TOP3A: variants seen among roughly 807,000 people sequenced by gnomAD.
TOP3A encodes the protein DNA topoisomerase 3-alpha.
TOP3A carries 64 observed loss-of-function variants against 111.3 expected under a neutral mutation model. The observed-to-expected ratio is 0.57, with a 90% confidence interval of 0.47 to 0.71. TOP3A has a LOEUF of 0.71. Ranked by LOEUF, TOP3A falls within the 30% of genes least tolerant of loss-of-function variation. The probability of loss-of-function intolerance (pLI) is 0.00; values close to 1 mark genes in which losing one functional copy is unlikely to be tolerated. For synonymous variants in TOP3A, 484 were observed against 485.1 expected (o/e 1.00, Z 0.03); for missense variants, 1,104 against 1,285.0 (o/e 0.86, Z 2.15).
In TOP3A at chr17:18,278,033, A is replaced by G. The variant is rs758550414; in HGVS notation, c.2469T>C (p.Thr823=). The change falls in exon 18 of 19, where the codon ACT becomes ACC. Residue 823 remains threonine (T), a synonymous_variant. Coordinates refer to ENST00000321105, the MANE Select transcript of TOP3A (RefSeq NM_004618.5). ...CCCGGTTGGGGCCCTCCTTACGGAC[A>G]GTGAGCAGCACAGCCTCCTGGCCAC... is the stretch of plus-strand genomic sequence containing the variant. ...CNCGQEAVLL[T]VRKEGPNRGR... 6.2e-7 allele frequency: 1 copy of G among 1,614,204 alleles called. No individual in the cohort carries two copies. Among genetic ancestry groups the G allele is most frequent in the South Asian group, 1.1e-5 (1 of 91,092 alleles).
At chr17:18,300,488 C>G (rs1424062469) in intron 8 of TOP3A, among the ~76,000 whole-genome samples, 1 of 152,036 alleles carries the variant, frequency 6.6e-6, no homozygotes, top group Non-Finnish European at 1.5e-5. Context: ...ACCACGTAGT[C>G]CCGCACCACA....
chr17:18,304,040 CT>C (rs1406004185), intron 5 of TOP3A, among the ~76,000 whole-genome samples: 1 of 152,186 alleles, frequency 6.6e-6, no homozygotes, highest in African/African-American at 2.4e-5. Context: ...TCTCGGCTCA[CT>C]GCAACCTCTG....
intron 5 of TOP3A, among the ~76,000 whole-genome samples, chr17:18,303,819 C>T (rs1316240816): frequency 2.0e-5 from 3 of 151,650 alleles, no homozygotes; most frequent in South Asian, 4.2e-4. Context: ...ACTTGCTGAG[C>T]GCCGGTCCCC....
chr17:18,309,452 G>A (rs1981777616), intron 1 of TOP3A, among the ~76,000 whole-genome samples: 1 of 152,020 alleles, frequency 6.6e-6, no homozygotes, highest in Admixed American at 6.6e-5. Flanking sequence ...AGACCAGCCT[G>A]GCCAACATGG....
In TOP3A at chr17:18,301,901, T is replaced by TA; in HGVS notation, c.898dup (p.Tyr300LeufsTer18). 6.2e-7 allele frequency: 1 copy of TA among 1,614,110 alleles called. No individual in the cohort carries two copies. The highest frequency in any genetic ancestry group is 8.5e-7 in the Non-Finnish European group (1 of 1,179,970). On this transcript the variant is annotated frameshift_variant, in exon 8 of 19. Coordinates refer to ENST00000321105, the MANE Select transcript of TOP3A (RefSeq NM_004618.5). LOFTEE classifies it high-confidence loss of function. The stretch of plus-strand genomic sequence containing the variant: ...GGTTCTTACCTCCACACACAACTGA[T>TA]AGAGAACTAGGCAAGCCGTGTGGTT...
intron 4 of TOP3A, among the ~76,000 whole-genome samples, chr17:18,305,475 A>AACACACAT (rs3075274): frequency 0.05 from 7,405 of 146,696 alleles, 541 homozygotes; most frequent in African/African-American, 0.17. Flanking sequence ...ATTCAGCTCT[A>AACACACAT]ACACACACAC....
At chr17:18,305,051 A>T (rs1981467815) in intron 5 of TOP3A, 61 bp downstream of exon 5, 1 of 1,433,064 alleles carries the variant, frequency 7.0e-7, no homozygotes, top group Non-Finnish European at 9.8e-7. Context: ...ACATATAAAC[A>T]AGAACACTCT....
chr17:18,278,146 T>C lies in TOP3A; in HGVS notation c.2356A>G (p.Ser786Gly), dbSNP rs1158003078. The C allele has an allele frequency of 6.2e-6, 10 of 1,614,224 alleles. No individual in the cohort carries two copies. The highest frequency in any genetic ancestry group is 8.5e-6 in the Non-Finnish European group (10 of 1,180,030). The change falls in exon 18 of 19, where the codon AGC becomes GGC. Residue 786 changes from serine (S) to glycine (G), a missense_variant. Transcript: ENST00000321105. ...GCCTTTGAGGACCCAGTCTGTCTGCTGTCAGCAGGCTGGGGGTGCTGGCTG... is the reference window on the plus strand; with the variant it reads ...GCCTTTGAGGACCCAGTCTGTCTGCCGTCAGCAGGCTGGGGGTGCTGGCTG... ...DNSQHPQPAD[S>G]RQTGSSKALA...
chr17:18,306,932 C>T lies in TOP3A; in HGVS notation c.349G>A (p.Glu117Lys). The T allele has an allele frequency of 6.2e-7, 1 of 1,613,988 alleles. No individual in the cohort carries two copies. Among genetic ancestry groups the T allele is most frequent in the South Asian group, 1.1e-5 (1 of 91,088 alleles). ...TTCTCTGGGCAGTACTTTTCAATTT[C>T]TGCTTCAAAGAGGACAAGAGGGTTG... The part of the protein sequence containing the change: ...SCNPLVLFEA[E>K]IEKYCPENFV... The change falls in exon 4 of 19, where the codon GAA becomes AAA. Residue 117 changes from glutamate (E) to lysine (K), a missense_variant. Glu to Lys is a moderately conservative substitution (Grantham distance 56, BLOSUM62 1). Transcript: ENST00000321105.
chr17:18,275,955 G>A (rs1020274059), intron 18 of TOP3A, among the ~76,000 whole-genome samples: 4 of 152,044 alleles, frequency 2.6e-5, no homozygotes, highest in Non-Finnish European at 5.9e-5. Context: ...GCGCCCGACC[G>A]GCTGAATCAG....
chr17:18,287,291 T>A (rs958633422), intron 13 of TOP3A, among the ~76,000 whole-genome samples: 3 of 152,014 alleles, frequency 2.0e-5, no homozygotes, highest in African/African-American at 7.2e-5. Flanking sequence ...CCCAGCACTT[T>A]GGGAGACCGA....
In TOP3A at chr17:18,290,700, C is replaced by G; in HGVS notation, c.1468-14G>C. On this transcript the variant is annotated splice_polypyrimidine_tract_variant and intron_variant, in intron 12 of 18. Transcript: ENST00000321105. ...GACAGGGAGGATCTACAGGGAGCGG[C>G]AGGTGCAACAGTCAGATGATTCCAT... 6.3e-7 allele frequency: 1 copy of G among 1,584,164 alleles called. No individual in the cohort carries two copies. Among genetic ancestry groups the G allele is most frequent in the East Asian group, 2.2e-5 (1 of 44,488 alleles).
At chr17:18,299,456 G>A (rs1981082083) in intron 9 of TOP3A, 103 bp downstream of exon 9, 4 of 958,116 alleles carry the variant, frequency 4.2e-6, no homozygotes, top group Admixed American at 1.7e-5. Context: ...GCCTGGTGAT[G>A]GGTGATATTT....
intron 9 of TOP3A, among the ~76,000 whole-genome samples, chr17:18,296,144 C>T (rs182471216): frequency 1.3e-5 from 2 of 152,264 alleles, no homozygotes; most frequent in African/African-American, 4.8e-5. Flanking sequence ...TTGGGAATAC[C>T]ACCCAAGCCC....
At position 18,271,758 on chromosome 17, in the gene TOP3A, A is replaced by G; in HGVS notation, c.*3044T>C. The G allele has an allele frequency of 4.4e-6, 2 of 453,098 alleles. No homozygotes were observed. The highest frequency in any genetic ancestry group is 9.0e-6 in the Non-Finnish European group (2 of 221,942). The allele number at this position is 453,098 out of a possible 1,614,324, so 28.1% of individuals were successfully genotyped here. On this transcript the variant is annotated 3_prime_UTR_variant, in exon 19 of 19. Coordinates refer to ENST00000321105, the MANE Select transcript of TOP3A (RefSeq NM_004618.5). ...CAACTCAACAACAAAGACAGACAAC[A>G]CAATTTAAAAATGGGGGAAGAGACC...
chr17:18,309,439 C>T (rs8076253), intron 1 of TOP3A, among the ~76,000 whole-genome samples: 109,075 of 151,866 alleles, frequency 0.72, 39,865 homozygotes, highest in African/African-American at 0.86. Context: ...GGTCAGGAGT[C>T]CGAGACCAGC....
At position 18,274,661 on chromosome 17, in the gene TOP3A, C is replaced by T. The variant is rs1340855979; in HGVS notation, c.*141G>A. 2 of 1,404,214 alleles carry T rather than the reference C, an allele frequency of 1.4e-6. No individual in the cohort carries two copies. Among genetic ancestry groups the T allele is most frequent in the Non-Finnish European group, 1.9e-6 (2 of 1,058,356 alleles). The allele number at this position is 1,404,214 out of a possible 1,614,324, so 87.0% of individuals were successfully genotyped here. ...GTGATCTGGACCTTGTGCCCCTTAACACAAGAAGGCCCGACTCCAAAGGCC... is the reference window on the plus strand; with the variant it reads ...GTGATCTGGACCTTGTGCCCCTTAATACAAGAAGGCCCGACTCCAAAGGCC... On this transcript the variant is annotated 3_prime_UTR_variant, in exon 19 of 19. Coordinates refer to ENST00000321105, the MANE Select transcript of TOP3A (RefSeq NM_004618.5).
chr17:18,294,174 G>C (rs1480625627), intron 10 of TOP3A, among the ~76,000 whole-genome samples: 1 of 152,126 alleles, frequency 6.6e-6, no homozygotes, highest in Non-Finnish European at 1.5e-5. Context: ...TGGCTGAGGA[G>C]TCAAAAGTAA....
At chr17:18,314,470 A>C in intron 1 of TOP3A, 129 bp downstream of exon 1, 1 of 1,074,694 alleles carries the variant, frequency 9.3e-7, no homozygotes, top group Non-Finnish European at 1.3e-6. Context: ...GCAATAATCC[A>C]GACGAGGGGC....
Sources: allele counts gnomAD v4.1 joint callset (sites outside exome capture counted in the v4.1 genomes callset), GRCh38; gene constraint gnomAD v4.1.1; transcripts MANE v1.5; gene names NCBI Gene and HGNC (gene_info 2026-07-23, HGNC 2026-07-21).